Variants in ZYG11B observed in about 807,000 individuals in gnomAD.
ZYG11B encodes the protein zyg-11 family member B, cell cycle regulator.
Under a neutral mutation model 82.4 loss-of-function variants are expected in ZYG11B, and 36 were observed. The ratio of observed to expected loss-of-function variants is 0.44; its 90% CI spans 0.33 to 0.58. The LOEUF is 0.58. ZYG11B is among the 20% of genes least tolerant of loss of function. The probability of loss-of-function intolerance (pLI) is 0.02; values close to 1 mark genes in which losing one functional copy is unlikely to be tolerated. For synonymous variants in ZYG11B, 303 were observed against 312.8 expected, an observed-to-expected ratio of 0.97 and a Z score of 0.33; for missense variants, 552 against 895.6, an observed-to-expected ratio of 0.62 and a Z score of 4.90.
intron 13 of ZYG11B, among the ~76,000 whole-genome samples, chr1:52,821,126 T>C (rs996584990): frequency 1.3e-5 from 2 of 151,640 alleles, no homozygotes; most frequent in Non-Finnish European, 2.9e-5. Flanking sequence ...CATAAAAATA[T>C]AACAACACTT....
rs780107166 is a variant in ZYG11B at position 52,774,376 on chromosome 1, C to T, written c.951+2602C>T. ...AGGCTGGAGTGCAATGGCGTGATCT[C>T]GGCTCACAGCAACCTCCACCTCCCA... On this transcript the variant is annotated intron_variant, in intron 3 of 13. Coordinates refer to ENST00000294353, the MANE Select transcript of ZYG11B (RefSeq NM_024646.3). Among the ~76,000 whole-genome samples the T allele has an allele frequency of 7.4e-5, 11 of 147,976 alleles. No individual in the cohort carries two copies. The South Asian group carries it at 1.3e-3, about 17-fold the overall frequency.
intron 10 of ZYG11B, among the ~76,000 whole-genome samples, chr1:52,812,715 T>G (rs544616179): frequency 1.5e-4 from 22 of 142,540 alleles, no homozygotes; most frequent in African/African-American, 4.6e-4. Flanking sequence ...GTTTTGGGTT[T>G]GTTTGTTTGT....
intron 2 of ZYG11B, among the ~76,000 whole-genome samples, chr1:52,765,398 GTCTT>G (rs1644673663): frequency 6.6e-6 from 1 of 151,994 alleles, no homozygotes; most frequent in African/African-American, 2.4e-5. Flanking sequence ...TGGAGATGAT[GTCTT>G]TCTATGTTGT....
chr1:52,822,505 ATTC>A lies in ZYG11B; in HGVS notation c.*879_*881del. 6.6e-6 allele frequency: 1 copy of A among 152,258 alleles called. No homozygotes were observed. The highest frequency in any genetic ancestry group is 1.5e-5 in the Non-Finnish European group (1 of 68,044). 9.4% of individuals were successfully genotyped at this position (152,258 alleles called of 1,614,324 possible). A position where few individuals can be genotyped will look rare whatever the true frequency, so the allele number is the denominator to read the frequency against. On this transcript the variant is annotated 3_prime_UTR_variant, in exon 14 of 14. Transcript: ENST00000294353. ...AAATTATCGCCAGTTAAAACTGGCTATTCTTTTCCTCTATTTCAAAGTCATTTT... is the reference window on the plus strand; with the variant it reads ...AAATTATCGCCAGTTAAAACTGGCTATTTTCCTCTATTTCAAAGTCATTTT...
intron 12 of ZYG11B, among the ~76,000 whole-genome samples, chr1:52,814,171 C>G (rs757968827): frequency 6.6e-6 from 1 of 152,134 alleles, no homozygotes; most frequent in African/African-American, 2.4e-5. Context: ...TAGGCGCCCA[C>G]GACCACGCCC....
chr1:52,754,684 C>T (rs1269817488), intron 1 of ZYG11B, among the ~76,000 whole-genome samples: 1 of 152,168 alleles, frequency 6.6e-6, no homozygotes, highest in African/African-American at 2.4e-5. Flanking sequence ...GCCCTTTTCA[C>T]TTTCTTTATG....
intron 13 of ZYG11B, among the ~76,000 whole-genome samples, chr1:52,820,810 A>G (rs112444034): frequency 9.5e-4 from 145 of 151,964 alleles, no homozygotes; most frequent in African/African-American, 3.1e-3. Context: ...TAAAAAGCAT[A>G]GTAAATGCAG....
rs141768090 is a variant in ZYG11B at position 52,808,556 on chromosome 1, G to A, written c.1696-4980G>A. Among the ~76,000 whole-genome samples the A allele has an allele frequency of 5.1e-3, 775 of 152,098 alleles. 6 individuals are homozygous for A. The highest frequency in any genetic ancestry group is 0.018 in the African/African-American group (749 of 41,494). On this transcript the variant is annotated intron_variant, in intron 10 of 13. Coordinates refer to ENST00000294353, the MANE Select transcript of ZYG11B (RefSeq NM_024646.3). ...TTTTTAAAATATTTTTGTACAGATG[G>A]GATTTTGCTGTATTGTCCAGGCTGG...
chr1:52,817,777 G>GTGTGTGTATATATATATA (rs1352242565), intron 13 of ZYG11B, among the ~76,000 whole-genome samples: 1 of 41,542 alleles, frequency 2.4e-5, no homozygotes, highest in Non-Finnish European at 3.9e-5. Context: ...ATATATATGT[G>GTGTGTGTATATATATATA]TATATATATA....
intron 2 of ZYG11B, 132 bp from the exon 3 acceptor site, chr1:52,770,888 C>T: frequency 1.9e-6 from 2 of 1,054,862 alleles, no homozygotes; most frequent in South Asian, 1.6e-5. Context: ...ATAATAATCT[C>T]ACCTAAATGA....
intron 1 of ZYG11B, among the ~76,000 whole-genome samples, chr1:52,735,964 T>G (rs1303181130): frequency 2.0e-5 from 3 of 152,204 alleles, no homozygotes; most frequent in Non-Finnish European, 4.4e-5. Flanking sequence ...TTCAGTAATA[T>G]TTTAAAATGA....
intron 1 of ZYG11B, among the ~76,000 whole-genome samples, chr1:52,732,675 G>A (rs1358407707): frequency 6.6e-6 from 1 of 152,150 alleles, no homozygotes; most frequent in Non-Finnish European, 1.5e-5. Flanking sequence ...TGAGGCAGGA[G>A]AATCGCTTGA....
At chr1:52,794,810 A>G (rs1471870739) in intron 6 of ZYG11B, among the ~76,000 whole-genome samples, 2 of 152,156 alleles carry the variant, frequency 1.3e-5, no homozygotes, top group African/African-American at 2.4e-5. Flanking sequence ...ATCCAGCTCT[A>G]TCTTCAAAAT....
intron 10 of ZYG11B, among the ~76,000 whole-genome samples, chr1:52,803,249 CAT>C (rs202177836): frequency 0.038 from 1,704 of 44,384 alleles, 145 homozygotes; most frequent in Non-Finnish European, 0.047. Flanking sequence ...TACACACACA[CAT>C]ATATATATAT....
chr1:52,747,582 T>C (rs1440655542), intron 1 of ZYG11B, among the ~76,000 whole-genome samples: 1 of 152,116 alleles, frequency 6.6e-6, no homozygotes, highest in Non-Finnish European at 1.5e-5. Context: ...CTCACTCTTT[T>C]TTTTTTCTCT....
At chr1:52,735,576 A>C (rs1432444245) in intron 1 of ZYG11B, among the ~76,000 whole-genome samples, 1 of 150,086 alleles carries the variant, frequency 6.7e-6, no homozygotes, top group Non-Finnish European at 1.5e-5. Context: ...TCTCTCTGCC[A>C]CCCAGACTGG....
intron 2 of ZYG11B, among the ~76,000 whole-genome samples, chr1:52,765,821 T>G (rs942705439): frequency 1.3e-5 from 2 of 152,144 alleles, no homozygotes; most frequent in African/African-American, 4.8e-5. Context: ...TTTAAGTACT[T>G]TTTCAGCCAC....
At chr1:52,756,405 AAACT>A in intron 1 of ZYG11B, 49 bp from the exon 2 acceptor site, 4 of 1,560,750 alleles carry the variant, frequency 2.6e-6, no homozygotes, top group Non-Finnish European at 3.5e-6. Flanking sequence ...GCTTTTCTGG[AAACT>A]AACTAGTTGG....
chr1:52,739,467 G>A (rs1644406196), intron 1 of ZYG11B, among the ~76,000 whole-genome samples: 2 of 152,182 alleles, frequency 1.3e-5, no homozygotes, highest in African/African-American at 4.8e-5. Flanking sequence ...TCTATTAGCT[G>A]TAGTACTATG....
Sources: gnomAD v4.1 joint callset for allele counts (sites outside exome capture counted in the v4.1 genomes callset) on GRCh38, gnomAD v4.1.1 for gene constraint, MANE v1.5 for transcripts, NCBI Gene and HGNC (gene_info 2026-07-23, HGNC 2026-07-21) for gene names.